CSMD2: variants seen among roughly 807,000 people sequenced by gnomAD.
CSMD2 encodes the protein CUB and sushi domain-containing protein 2.
A neutral mutation model predicts 398.5 loss-of-function variants in CSMD2; 130 were observed. That is an observed-to-expected ratio of 0.33 (90% confidence interval 0.28 to 0.38). CSMD2 has a LOEUF of 0.38. Ranked by LOEUF, CSMD2 falls within the 10% of genes least tolerant of loss-of-function variation. The pLI is 1.00. For missense variants in CSMD2, 3,829 were observed against 4,764.9 expected (o/e 0.80, Z 5.78); for synonymous variants, 1,828 against 1,908.5 (o/e 0.96, Z 1.10).
chr1:33,877,417 C>A (rs973309518), intron 5 of CSMD2, among the ~76,000 whole-genome samples: 7 of 152,160 alleles, frequency 4.6e-5, no homozygotes, highest in African/African-American at 1.4e-4. Context: ...CTGGAACTCA[C>A]AGCAAAATTC....
intron 1 of CSMD2, among the ~76,000 whole-genome samples, chr1:34,095,295 C>T (rs1659148717): frequency 7.2e-6 from 1 of 138,134 alleles, no homozygotes; most frequent in Non-Finnish European, 1.6e-5. Flanking sequence ...TAAATGCCCA[C>T]AAGAGAAAGC....
At chr1:34,081,938 C>G (rs1283149321) in intron 2 of CSMD2, among the ~76,000 whole-genome samples, 9 of 151,588 alleles carry the variant, frequency 5.9e-5, no homozygotes, top group African/African-American at 2.2e-4. Flanking sequence ...CGGCCGCCAC[C>G]CCGTCTAGGA....
Position 33,541,192 on chromosome 1 carries a change from C to G in CSMD2, c.9395G>C (p.Arg3132Thr), listed in dbSNP as rs377226303. 119 of 1,614,140 alleles carry G rather than the reference C, an allele frequency of 7.4e-5. 1 individual carries two copies. In the South Asian group the frequency reaches 1.1e-3, roughly 15 times the overall value. ...CTTGGTGCAGCTCAGCACAGATACTCTATGTGACTCCATCATATAGCCAGG... is the reference window on the plus strand; with the variant it reads ...CTTGGTGCAGCTCAGCACAGATACTGTATGTGACTCCATCATATAGCCAGG... ...CVPGYMMESH[R>T]VSVLSCTKDR... Residue 3132 changes from arginine to threonine, a missense_variant, in exon 59 of 71, where the codon AGA becomes ACA. Physicochemically the swap from Arg to Thr is moderately conservative, Grantham distance 71. Around this residue, in one of 5 missense-constraint regions of CSMD2, gnomAD observed 917 missense variants for 1,199.5 expected, o/e 0.76. Coordinates refer to ENST00000373381, the MANE Select transcript of CSMD2 (RefSeq NM_001281956.2).
chr1:34,046,447 C>T (rs1272616377), intron 2 of CSMD2, among the ~76,000 whole-genome samples: 2 of 152,078 alleles, frequency 1.3e-5, no homozygotes, highest in Admixed American at 6.5e-5. Context: ...CATGGAGCAC[C>T]GTGGAAACAT....
In CSMD2 at chr1:34,131,087, C is replaced by T. The variant is rs575422226; in HGVS notation, c.187+33824G>A. 1.4e-3 allele frequency among the ~76,000 whole-genome samples: 220 copies of T among 152,296 alleles called. 1 individual carries two copies. Among genetic ancestry groups the T allele is most frequent in the African/African-American group, 5.0e-3 (206 of 41,568 alleles). ...TTCCCTGCTCTTGTTTCTCCACCTCCCACCTCACCAAGCAATGCTTCATTT... is the reference window on the plus strand; with the variant it reads ...TTCCCTGCTCTTGTTTCTCCACCTCTCACCTCACCAAGCAATGCTTCATTT... On this transcript the variant is annotated intron_variant, in intron 1 of 70. Transcript: ENST00000373381.
chr1:33,672,661 C>T (rs531504053), intron 25 of CSMD2, among the ~76,000 whole-genome samples: 28 of 152,348 alleles, frequency 1.8e-4, no homozygotes, highest in Non-Finnish European at 3.5e-4. Context: ...GGCAGACTGC[C>T]GCCTCAAGTG....
chr1:33,906,762 T>C (rs1043379318), intron 5 of CSMD2, among the ~76,000 whole-genome samples: 15 of 152,096 alleles, frequency 9.9e-5, no homozygotes, highest in Admixed American at 2.6e-4. Context: ...ACTGGCTCAG[T>C]GGGTAGGCTG....
intron 3 of CSMD2, among the ~76,000 whole-genome samples, chr1:33,963,852 T>C (rs1350742417): frequency 6.6e-6 from 1 of 152,266 alleles, no homozygotes; most frequent in African/African-American, 2.4e-5. Flanking sequence ...TTCTTACAAA[T>C]AGAACCACTA....
intron 22 of CSMD2, among the ~76,000 whole-genome samples, chr1:33,705,948 AC>A (rs1227532121): frequency 3.3e-5 from 5 of 151,500 alleles, no homozygotes; most frequent in African/African-American, 1.2e-4. Context: ...AAAAAAAAAA[AC>A]AGTTGGTTTG....
chr1:33,905,023 T>G (rs2125245969), intron 5 of CSMD2, among the ~76,000 whole-genome samples: 1 of 152,220 alleles, frequency 6.6e-6, no homozygotes, highest in South Asian at 2.1e-4. Flanking sequence ...CAAGCTGGTC[T>G]TGAACTCCTG....
chr1:33,652,315 G>T lies in CSMD2; in HGVS notation c.4586+8C>A, dbSNP rs1451384374. ...CCTTCGTCTCCCACCCGGGGGAAAG[G>T]TACATACATGTTAAATACCAGGGCG... is the stretch of plus-strand genomic sequence containing the variant. On this transcript the variant is annotated splice_region_variant and intron_variant, in intron 28 of 70. Transcript: ENST00000373381. The T allele has an allele frequency of 6.2e-7, 1 of 1,614,010 alleles. No homozygotes were observed.
At chr1:33,805,879 T>A (rs1487851846) in intron 10 of CSMD2, among the ~76,000 whole-genome samples, 1 of 151,892 alleles carries the variant, frequency 6.6e-6, no homozygotes, top group Non-Finnish European at 1.5e-5. Flanking sequence ...GTCTGTTGTC[T>A]AAGCTATCTA....
intron 5 of CSMD2, among the ~76,000 whole-genome samples, chr1:33,851,952 C>G (rs1209176534): frequency 6.6e-6 from 1 of 152,082 alleles, no homozygotes; most frequent in African/African-American, 2.4e-5. Context: ...GCCTGCCCAC[C>G]CTGGTTGTGT....
chr1:33,664,172 T>A (rs1644233344), intron 25 of CSMD2, among the ~76,000 whole-genome samples: 1 of 152,182 alleles, frequency 6.6e-6, no homozygotes, highest in South Asian at 2.1e-4. Context: ...TAAAAAAGTC[T>A]CTCTTTCACA....
At chr1:34,082,813 G>GTTAA (rs1657404180) in intron 2 of CSMD2, among the ~76,000 whole-genome samples, 1 of 152,116 alleles carries the variant, frequency 6.6e-6, no homozygotes, top group Non-Finnish European at 1.5e-5. Context: ...TCCACTCAGG[G>GTTAA]TTAAATGGAT....
intron 53 of CSMD2, 99 bp downstream of exon 53, chr1:33,567,494 T>TATATATATATATATATATATATATATAG: frequency 1.2e-6 from 1 of 803,240 alleles, no homozygotes; most frequent in Non-Finnish European, 1.9e-6. Flanking sequence ...TATATATATA[T>TATATATATATATATATATATATATATAG]ATTTAAAACA....
At chr1:33,700,397 G>T in intron 23 of CSMD2, 120 bp downstream of exon 23, 1 of 1,056,966 alleles carries the variant, frequency 9.5e-7, no homozygotes, top group Non-Finnish European at 1.4e-6. Context: ...ATACATATTG[G>T]ATTTTAAAAC....
At chr1:33,720,550 A>G (rs1229467443) in intron 19 of CSMD2, among the ~76,000 whole-genome samples, 1 of 152,198 alleles carries the variant, frequency 6.6e-6, no homozygotes, top group Non-Finnish European at 1.5e-5. Flanking sequence ...AACATTGTAC[A>G]AATGTGTAAA....
At chr1:33,769,784 A>G (rs2149323168) in intron 13 of CSMD2, among the ~76,000 whole-genome samples, 1 of 152,320 alleles carries the variant, frequency 6.6e-6, no homozygotes, top group East Asian at 1.9e-4. Flanking sequence ...TTGAAATAAT[A>G]TCCCCAATCC....
Sources: allele counts gnomAD v4.1 joint callset (sites outside exome capture counted in the v4.1 genomes callset), GRCh38; gene constraint gnomAD v4.1.1; regional missense constraint gnomAD v4.1.1; transcripts MANE v1.5; gene names NCBI Gene and HGNC (gene_info 2026-07-23, HGNC 2026-07-21).